GSK3B: variants seen among roughly 807,000 people sequenced by gnomAD.
GSK3B encodes the protein glycogen synthase kinase 3 beta, also known as glycogen synthase kinase-3 beta.
A neutral mutation model predicts 56.4 loss-of-function variants in GSK3B; 15 were observed. The observed-to-expected ratio is 0.27, with a 90% CI of 0.18 to 0.41. The LOEUF (loss-of-function observed/expected upper bound fraction) is 0.41. GSK3B is among the 10% of genes least tolerant of loss of function. The probability of loss-of-function intolerance (pLI) is 1.00; values close to 1 mark genes in which losing one functional copy is unlikely to be tolerated. For missense variants in GSK3B, 300 were observed against 513.4 expected (o/e 0.58, Z 4.02); for synonymous variants, 181 against 188.9 (o/e 0.96, Z 0.34).
intron 4 of GSK3B, among the ~76,000 whole-genome samples, chr3:119,922,029 T>G (rs1180403510): frequency 6.6e-6 from 1 of 151,826 alleles, no homozygotes; most frequent in East Asian, 1.9e-4. Flanking sequence ...CCCAGCTACT[T>G]GGGAGGCTGA....
intron 2 of GSK3B, among the ~76,000 whole-genome samples, chr3:119,962,703 A>G (rs1343534855): frequency 6.6e-6 from 1 of 152,228 alleles, no homozygotes; most frequent in Admixed American, 6.5e-5. Context: ...ACATTTAAAA[A>G]ATCGGTTGCA....
intron 8 of GSK3B, among the ~76,000 whole-genome samples, chr3:119,875,454 T>C (rs2056299761): frequency 6.6e-6 from 1 of 151,728 alleles, no homozygotes; most frequent in African/African-American, 2.4e-5. Flanking sequence ...ACAGTAAGTC[T>C]CTCCTTAAAA....
chr3:120,005,224 A>G (rs2057716237), intron 1 of GSK3B, among the ~76,000 whole-genome samples: 1 of 152,000 alleles, frequency 6.6e-6, no homozygotes, highest in Non-Finnish European at 1.5e-5. Context: ...ACAAGATTAG[A>G]AAAAAAAGAG....
At chr3:119,954,045 A>C (rs1179839493) in intron 2 of GSK3B, among the ~76,000 whole-genome samples, 1 of 152,066 alleles carries the variant, frequency 6.6e-6, no homozygotes, top group East Asian at 1.9e-4. Context: ...CCCAACCAAC[A>C]TACTATAAGT....
At chr3:120,064,357 T>C (rs2058262899) in intron 1 of GSK3B, among the ~76,000 whole-genome samples, 1 of 151,940 alleles carries the variant, frequency 6.6e-6, no homozygotes, top group Non-Finnish European at 1.5e-5. Context: ...AATCAGAATT[T>C]TTATACACTA....
At chr3:120,020,623 C>A (rs2057868426) in intron 1 of GSK3B, among the ~76,000 whole-genome samples, 1 of 152,192 alleles carries the variant, frequency 6.6e-6, no homozygotes, top group South Asian at 2.1e-4. Flanking sequence ...TCTCCTCAGC[C>A]TCCTTATTCC....
At chr3:120,005,887 G>A (rs958517061) in intron 1 of GSK3B, among the ~76,000 whole-genome samples, 1 of 152,132 alleles carries the variant, frequency 6.6e-6, no homozygotes, top group Non-Finnish European at 1.5e-5. Context: ...AAAATAACCA[G>A]CTAGCATCAT....
intron 9 of GSK3B, among the ~76,000 whole-genome samples, chr3:119,852,417 C>T (rs1265399593): frequency 6.6e-6 from 1 of 151,654 alleles, no homozygotes; most frequent in Non-Finnish European, 1.5e-5. Flanking sequence ...GGTGTGATCT[C>T]AGCTCACCGT....
chr3:119,892,528 G>C (rs2056514635), intron 7 of GSK3B, among the ~76,000 whole-genome samples: 1 of 152,092 alleles, frequency 6.6e-6, no homozygotes, highest in Non-Finnish European at 1.5e-5. Context: ...CAGACATCTG[G>C]AATAATACTG....
chr3:119,940,632 T>A (rs2057039158), intron 3 of GSK3B, among the ~76,000 whole-genome samples: 1 of 152,132 alleles, frequency 6.6e-6, no homozygotes, highest in African/African-American at 2.4e-5. Context: ...TTTATAAATA[T>A]TTACATAGCT....
At chr3:119,857,919 T>C (rs2056043506) in intron 9 of GSK3B, among the ~76,000 whole-genome samples, 1 of 152,220 alleles carries the variant, frequency 6.6e-6, no homozygotes, top group African/African-American at 2.4e-5. Context: ...CATCTCCTTG[T>C]ACCTCTCCAT....
At chr3:120,046,383 G>A (rs185166501) in intron 1 of GSK3B, among the ~76,000 whole-genome samples, 1 of 152,266 alleles carries the variant, frequency 6.6e-6, no homozygotes, top group East Asian at 1.9e-4. Flanking sequence ...ACCAATGCAA[G>A]ATGTTAATAA....
chr3:119,917,278 C>T (rs1321455259), intron 4 of GSK3B, among the ~76,000 whole-genome samples: 1 of 152,128 alleles, frequency 6.6e-6, no homozygotes, highest in African/African-American at 2.4e-5. Flanking sequence ...AAACTGCAGA[C>T]AGCTGAATTT....
intron 1 of GSK3B, among the ~76,000 whole-genome samples, chr3:120,046,415 G>A (rs570689579): frequency 6.6e-6 from 1 of 152,114 alleles, no homozygotes; most frequent in East Asian, 1.9e-4. Flanking sequence ...GGGAAATATG[G>A]GTGGGGGTAA....
intron 9 of GSK3B, among the ~76,000 whole-genome samples, chr3:119,852,592 C>T (rs1191381897): frequency 6.6e-6 from 1 of 152,152 alleles, no homozygotes; most frequent in African/African-American, 2.4e-5. Flanking sequence ...ATGTGATCTG[C>T]TCACCCCCGC....
intron 2 of GSK3B, among the ~76,000 whole-genome samples, chr3:119,960,151 C>CAAAAAAAAA (rs574956694): frequency 4.0e-5 from 3 of 74,628 alleles, no homozygotes; most frequent in African/African-American, 1.0e-4. Context: ...TATGCTGAGA[C>CAAAAAAAAA]AAAAAAAAAA....
chr3:120,015,924 T>C (rs2057822779), intron 1 of GSK3B, among the ~76,000 whole-genome samples: 1 of 152,124 alleles, frequency 6.6e-6, no homozygotes, highest in Non-Finnish European at 1.5e-5. Context: ...TAAAACAGAA[T>C]GGAGGGCTTA....
At chr3:119,991,178 G>A (rs150997897) in intron 2 of GSK3B, among the ~76,000 whole-genome samples, 2 of 152,112 alleles carry the variant, frequency 1.3e-5, no homozygotes, top group South Asian at 2.1e-4. Context: ...ACCATAAGGA[G>A]GTTTGGGATT....
intron 7 of GSK3B, among the ~76,000 whole-genome samples, chr3:119,898,677 T>C (rs2056595407): frequency 6.6e-6 from 1 of 152,144 alleles, no homozygotes; most frequent in South Asian, 2.1e-4. Context: ...ACTCTTCCTG[T>C]ATATACGGTA....
Sources: gnomAD v4.1 joint callset for allele counts (sites outside exome capture counted in the v4.1 genomes callset) on GRCh38, gnomAD v4.1.1 for gene constraint, MANE v1.5 for transcripts, NCBI Gene and HGNC (gene_info 2026-07-23, HGNC 2026-07-21) for gene names.